Variants in CUX2 observed in about 807,000 individuals in gnomAD.
The protein encoded by CUX2 is cut like homeobox 2.
A neutral mutation model predicts 144.8 loss-of-function variants in CUX2; 40 were observed. That is an observed-to-expected ratio of 0.28 (90% CI 0.21 to 0.36). The LOEUF (loss-of-function observed/expected upper bound fraction) is 0.36. Among genes scored for constraint, CUX2 ranks in the 10% least tolerant of loss-of-function variants. The pLI, the probability that CUX2 is intolerant of heterozygous loss-of-function variation, is 1.00. For missense variants in CUX2, 1,615 were observed against 1,994.0 expected, an observed-to-expected ratio of 0.81 and a Z score of 3.62; for synonymous variants, 827 against 875.6, an observed-to-expected ratio of 0.94 and a Z score of 0.98.
chr12:111,344,511 CATT>C (rs919265142), intron 21 of CUX2, among the ~76,000 whole-genome samples: 15 of 152,166 alleles, frequency 9.9e-5, no homozygotes. Context: ...CAGAAGAACA[CATT>C]ATTTCATTTG....
intron 1 of CUX2, among the ~76,000 whole-genome samples, chr12:111,210,042 A>G (rs1440154346): frequency 6.6e-6 from 1 of 152,092 alleles, no homozygotes; most frequent in Non-Finnish European, 1.5e-5. Context: ...TGGCTCCCCC[A>G]GGGCTGGGGG....
chr12:111,126,188 A>C (rs1264131111), intron 1 of CUX2, among the ~76,000 whole-genome samples: 1 of 151,532 alleles, frequency 6.6e-6, no homozygotes, highest in African/African-American at 2.4e-5. Flanking sequence ...GGCTCACTGC[A>C]ACCTCTGCCT....
At chr12:111,137,477 T>C (rs538247831) in intron 1 of CUX2, among the ~76,000 whole-genome samples, 1 of 152,162 alleles carries the variant, frequency 6.6e-6, no homozygotes, top group Non-Finnish European at 1.5e-5. Flanking sequence ...AGGTTATTTC[T>C]GAATGATGGG....
intron 9 of CUX2, among the ~76,000 whole-genome samples, chr12:111,299,939 C>T (rs1886204421): frequency 6.6e-6 from 1 of 152,128 alleles, no homozygotes; most frequent in Non-Finnish European, 1.5e-5. Context: ...AGTGCAGTGG[C>T]ACAATCATGG....
At chr12:111,205,554 C>T (rs1022339008) in intron 1 of CUX2, among the ~76,000 whole-genome samples, 1 of 152,210 alleles carries the variant, frequency 6.6e-6, no homozygotes, top group African/African-American at 2.4e-5. Context: ...ATCACCCAGT[C>T]ATGCACACAG....
At chr12:111,319,395 G>A (rs949109974) in intron 16 of CUX2, among the ~76,000 whole-genome samples, 3 of 151,990 alleles carry the variant, frequency 2.0e-5, no homozygotes, top group Non-Finnish European at 4.4e-5. Flanking sequence ...CTGTGCCTTC[G>A]TGTTTTCTTT....
intron 1 of CUX2, among the ~76,000 whole-genome samples, chr12:111,147,783 G>A (rs2136131770): frequency 6.6e-6 from 1 of 152,286 alleles, no homozygotes; most frequent in Non-Finnish European, 1.5e-5. Flanking sequence ...CACAGCAAAG[G>A]TAGCAAAAGC....
chr12:111,107,985 T>C (rs891994511), intron 1 of CUX2, among the ~76,000 whole-genome samples: 6 of 152,190 alleles, frequency 3.9e-5, no homozygotes, highest in African/African-American at 1.2e-4. Context: ...CCCACTGATG[T>C]CGTTTTTCTG....
chr12:111,101,117 A>C (rs1873206855), intron 1 of CUX2, among the ~76,000 whole-genome samples: 1 of 152,168 alleles, frequency 6.6e-6, no homozygotes, highest in South Asian at 2.1e-4. Context: ...TCTAAATACC[A>C]AAGCATTTTG....
In CUX2 at chr12:111,312,699, GA is replaced by G. The variant is rs1161516504; in HGVS notation, c.2002+509del. On this transcript the variant is annotated intron_variant, in intron 16 of 21. Coordinates refer to ENST00000261726, the MANE Select transcript of CUX2 (RefSeq NM_015267.4). The surrounding 1 kb of genome is among the most constrained non-coding windows in gnomAD (Gnocchi z 4.3). Reference sequence around the variant, plus strand: ...TAGGTGACAAAGCAAGACTCTGTCAGAAAAAAAAAAAGAAAAATATCCCAAG... The same window carrying G: ...TAGGTGACAAAGCAAGACTCTGTCAGAAAAAAAAAAGAAAAATATCCCAAG... Among the ~76,000 whole-genome samples, 9 of 144,468 alleles carry G rather than the reference GA, an allele frequency of 6.2e-5. No individual in the cohort carries two copies. Among genetic ancestry groups the G allele is most frequent in the African/African-American group, 7.6e-5 (3 of 39,514 alleles). The allele number at this position is 144,468 out of a possible 152,430, so 94.8% of individuals were successfully genotyped here.
intron 1 of CUX2, among the ~76,000 whole-genome samples, chr12:111,200,270 C>T (rs570899370): frequency 2.0e-5 from 3 of 151,926 alleles, no homozygotes; most frequent in Non-Finnish European, 2.9e-5. Flanking sequence ...TTGGGGGTCT[C>T]GGGTGCAGCT....
chr12:111,092,891 T>C (rs983594375), intron 1 of CUX2, among the ~76,000 whole-genome samples: 1 of 145,426 alleles, frequency 6.9e-6, no homozygotes, highest in African/African-American at 2.5e-5. Flanking sequence ...CATGGCTTAC[T>C]ACAGCCTCTG....
At chr12:111,256,488 C>G (rs1883823680) in intron 3 of CUX2, among the ~76,000 whole-genome samples, 2 of 152,248 alleles carry the variant, frequency 1.3e-5, no homozygotes, top group South Asian at 2.1e-4. Flanking sequence ...CGTCCACCCC[C>G]CATCATCTCT....
At chr12:111,203,785 G>A (rs889137051) in intron 1 of CUX2, among the ~76,000 whole-genome samples, 25 of 152,310 alleles carry the variant, frequency 1.6e-4, no homozygotes, top group Admixed American at 3.3e-4. Context: ...GAAAGTGCCA[G>A]TAGAGAGCCC....
intron 1 of CUX2, among the ~76,000 whole-genome samples, chr12:111,070,433 C>T (rs139100937): frequency 0.063 from 8,330 of 132,388 alleles, 958 homozygotes; most frequent in African/African-American, 0.23. Context: ...TCCTTCCTTC[C>T]TTCCTTCCTT....
chr12:111,117,789 A>C (rs1874393904), intron 1 of CUX2, among the ~76,000 whole-genome samples: 1 of 152,234 alleles, frequency 6.6e-6, no homozygotes, highest in Non-Finnish European at 1.5e-5. Flanking sequence ...CAAGAGGTGA[A>C]GTTACTTGCC....
intron 1 of CUX2, among the ~76,000 whole-genome samples, chr12:111,080,469 T>C (rs1871821417): frequency 6.6e-6 from 1 of 151,784 alleles, no homozygotes; most frequent in African/African-American, 2.4e-5. Context: ...GCAAGGAGTT[T>C]GAGACCAGCC....
chr12:111,296,558 G>A lies in CUX2; in HGVS notation c.704+19G>A. 6.2e-7 allele frequency: 1 copy of A among 1,604,884 alleles called. No homozygotes were observed. Among genetic ancestry groups the A allele is most frequent in the Non-Finnish European group, 8.5e-7 (1 of 1,175,080 alleles). The stretch of plus-strand genomic sequence containing the variant: ...CATCCAAGTAAGTGAGCCCTGCTGA[G>A]GTGTACCTCCTCCCTTGGAGGCCTC... On this transcript the variant is annotated intron_variant, in intron 8 of 21. Transcript: ENST00000261726.
At chr12:111,097,365 A>G (rs1872881544) in intron 1 of CUX2, among the ~76,000 whole-genome samples, 1 of 152,220 alleles carries the variant, frequency 6.6e-6, no homozygotes, top group Non-Finnish European at 1.5e-5. Flanking sequence ...GGGAAATGAC[A>G]CACTGCTCAC....
Sources: allele counts gnomAD v4.1 joint callset (sites outside exome capture counted in the v4.1 genomes callset), GRCh38; gene constraint gnomAD v4.1.1; non-coding constraint Gnocchi (gnomAD v3.1); transcripts MANE v1.5; gene names NCBI Gene and HGNC (gene_info 2026-07-23, HGNC 2026-07-21).